The following JAZF1 variants were observed in gnomAD, a reference collection of about 807,000 sequenced individuals.
The protein encoded by JAZF1 is juxtaposed with another zinc finger protein 1.
JAZF1 carries 8 observed loss-of-function variants against 26.4 expected under a neutral mutation model. The observed-to-expected ratio is 0.30, with a 90% CI of 0.18 to 0.55. The LOEUF is 0.55. Ranked by LOEUF, JAZF1 falls within the 20% of genes least tolerant of loss-of-function variation. JAZF1 has a pLI of 0.94. For missense variants in JAZF1, 199 were observed against 322.0 expected, an observed-to-expected ratio of 0.62 and a Z score of 2.92; for synonymous variants, 126 against 122.3, an observed-to-expected ratio of 1.03 and a Z score of -0.20.
intron 3 of JAZF1, among the ~76,000 whole-genome samples, chr7:27,888,357 G>A (rs941831205): frequency 9.9e-5 from 15 of 151,986 alleles, no homozygotes; most frequent in Admixed American, 2.0e-4. Context: ...TTTCTTTTGC[G>A]TAGGTGGGAG....
intron 1 of JAZF1, among the ~76,000 whole-genome samples, chr7:28,155,510 C>T (rs548161959): frequency 2.6e-5 from 4 of 152,238 alleles, no homozygotes; most frequent in African/African-American, 9.6e-5. Flanking sequence ...TTTTAGTTTT[C>T]GAGGCAAGAG....
At chr7:27,892,136 C>CTACA (rs1408691138) in intron 3 of JAZF1, among the ~76,000 whole-genome samples, 1 of 152,160 alleles carries the variant, frequency 6.6e-6, no homozygotes, top group Non-Finnish European at 1.5e-5. Context: ...ATCTCTCTAA[C>CTACA]TACAGGTAAA....
At chr7:27,906,487 A>G (rs1369824478) in intron 2 of JAZF1, among the ~76,000 whole-genome samples, 3 of 152,228 alleles carry the variant, frequency 2.0e-5, no homozygotes, top group Non-Finnish European at 4.4e-5. Context: ...TATGTTCCCA[A>G]CAAATATTGT....
At chr7:28,064,089 A>T (rs1039917194) in intron 1 of JAZF1, among the ~76,000 whole-genome samples, 5 of 152,100 alleles carry the variant, frequency 3.3e-5, no homozygotes, top group African/African-American at 9.7e-5. Flanking sequence ...GTTAAAAAAA[A>T]TTGGACATCC....
intron 2 of JAZF1, among the ~76,000 whole-genome samples, chr7:27,963,517 A>G (rs1785218275): frequency 6.6e-6 from 1 of 151,816 alleles, no homozygotes; most frequent in Non-Finnish European, 1.5e-5. Context: ...AAACATTCAA[A>G]TAATTGCACA....
At chr7:27,867,521 C>T (rs1783495237) in intron 3 of JAZF1, among the ~76,000 whole-genome samples, 1 of 152,204 alleles carries the variant, frequency 6.6e-6, no homozygotes, top group African/African-American at 2.4e-5. Flanking sequence ...GGCTATTTGG[C>T]TTCCTAACAG....
At chr7:27,925,394 A>G (rs183613218) in intron 2 of JAZF1, among the ~76,000 whole-genome samples, 1 of 152,300 alleles carries the variant, frequency 6.6e-6, no homozygotes, top group Admixed American at 6.5e-5. Flanking sequence ...AACATCCCCC[A>G]GTGTGGTACT....
chr7:28,042,818 A>G (rs1783416803), intron 1 of JAZF1, among the ~76,000 whole-genome samples: 1 of 152,214 alleles, frequency 6.6e-6, no homozygotes, highest in East Asian at 1.9e-4. Context: ...AATAGGCTAT[A>G]GCATATAGCC....
intron 3 of JAZF1, among the ~76,000 whole-genome samples, chr7:27,849,419 T>TA (rs1783088942): frequency 1.3e-5 from 2 of 152,216 alleles, no homozygotes; most frequent in Admixed American, 6.5e-5. Context: ...TCGCTAATGT[T>TA]AGAGTTTCTG....
At chr7:28,123,377 A>C (rs995609937) in intron 1 of JAZF1, among the ~76,000 whole-genome samples, 2 of 152,138 alleles carry the variant, frequency 1.3e-5, no homozygotes, top group Non-Finnish European at 2.9e-5. Context: ...CCTTTCCTGC[A>C]CTTATCAGAG....
chr7:27,959,928 T>C (rs1785162098), intron 2 of JAZF1, among the ~76,000 whole-genome samples: 1 of 150,730 alleles, frequency 6.6e-6, no homozygotes, highest in South Asian at 2.1e-4. Flanking sequence ...TGCAGATGAG[T>C]TTCTTAATCT....
rs1299507895 is a variant in JAZF1 at position 28,110,655 on chromosome 7, GGAAAA to G, written c.115+69803_115+69807del. Among the ~76,000 whole-genome samples, 10 of 151,276 alleles carry G rather than the reference GGAAAA, an allele frequency of 6.6e-5. No homozygotes were observed. In the South Asian group the frequency reaches 1.5e-3, roughly 22 times the overall value. On this transcript the variant is annotated intron_variant, in intron 1 of 4. Coordinates refer to ENST00000283928, the MANE Select transcript of JAZF1 (RefSeq NM_175061.4). ...GAAAGGAAAAGGAAAGGAAAGGAAA[GGAAAA>G]GAAAAGTTAGTTTAAAAACAAATAA...
At chr7:28,076,338 A>C (rs1784051050) in intron 1 of JAZF1, among the ~76,000 whole-genome samples, 1 of 152,262 alleles carries the variant, frequency 6.6e-6, no homozygotes, top group Admixed American at 6.5e-5. Context: ...TGAAGGGAGC[A>C]TGAACAGAAA....
chr7:28,115,961 C>T (rs780058899), intron 1 of JAZF1, among the ~76,000 whole-genome samples: 25 of 152,068 alleles, frequency 1.6e-4, no homozygotes, highest in Non-Finnish European at 3.4e-4. Context: ...CTTTCCATAT[C>T]AACGTATGAA....
intron 1 of JAZF1, among the ~76,000 whole-genome samples, chr7:28,180,151 C>T (rs910469480): frequency 7.0e-6 from 1 of 143,380 alleles, no homozygotes; most frequent in Non-Finnish European, 1.5e-5. Flanking sequence ...CCGCCGCAAC[C>T]CCGCCGCCCC....
chr7:28,156,853 A>G (rs1303820500), intron 1 of JAZF1, among the ~76,000 whole-genome samples: 2 of 152,206 alleles, frequency 1.3e-5, no homozygotes, highest in Non-Finnish European at 2.9e-5. Flanking sequence ...AAGGGGGGAA[A>G]TCATTCTTAT....
chr7:27,918,646 T>C (rs1346141877), intron 2 of JAZF1, among the ~76,000 whole-genome samples: 3 of 152,234 alleles, frequency 2.0e-5, no homozygotes, highest in Non-Finnish European at 2.9e-5. Context: ...TGCAGAGTTA[T>C]ACAGAAAATT....
At chr7:27,862,479 C>T (rs1397031483) in intron 3 of JAZF1, among the ~76,000 whole-genome samples, 2 of 150,602 alleles carry the variant, frequency 1.3e-5, no homozygotes, top group East Asian at 1.9e-4. Flanking sequence ...TTATTTCAAG[C>T]GTACTGCTCA....
At chr7:27,886,445 A>C (rs1311476280) in intron 3 of JAZF1, among the ~76,000 whole-genome samples, 1 of 152,256 alleles carries the variant, frequency 6.6e-6, no homozygotes, top group Non-Finnish European at 1.5e-5. Context: ...ATCATGGACT[A>C]TAAAATTGTT....
Sources: allele counts gnomAD v4.1 joint callset (sites outside exome capture counted in the v4.1 genomes callset), GRCh38; gene constraint gnomAD v4.1.1; transcripts MANE v1.5; gene names NCBI Gene and HGNC (gene_info 2026-07-23, HGNC 2026-07-21).